UBAP2L: variants seen among roughly 807,000 people sequenced by gnomAD.
UBAP2L encodes ubiquitin associated protein 2 like.
A neutral mutation model predicts 130.6 loss-of-function variants in UBAP2L; 12 were observed. The observed-to-expected ratio is 0.09, with a 90% CI of 0.06 to 0.15. The LOEUF (loss-of-function observed/expected upper bound fraction) is 0.15, where lower values mean the gene tolerates loss of function less well. Among genes scored for constraint, UBAP2L ranks in the 10% least tolerant of loss-of-function variants. UBAP2L has a pLI of 1.00. For missense variants in UBAP2L, 965 were observed against 1,332.5 expected, an observed-to-expected ratio of 0.72 and a Z score of 4.29; for synonymous variants, 503 against 524.7, an observed-to-expected ratio of 0.96 and a Z score of 0.57.
intron 14 of UBAP2L, among the ~76,000 whole-genome samples, chr1:154,253,454 G>A (rs182119047): frequency 2.1e-5 from 3 of 145,224 alleles, no homozygotes; most frequent in Admixed American, 7.0e-5. Context: ...GCTTGATCTC[G>A]GCTCACTGCA....
chr1:154,226,397 T>A (rs889190479), intron 2 of UBAP2L, among the ~76,000 whole-genome samples: 12 of 152,266 alleles, frequency 7.9e-5, no homozygotes, highest in Non-Finnish European at 1.3e-4. Flanking sequence ...TTAGTTGGTA[T>A]GTAATGTGAA....
chr1:154,268,919 C>G lies in UBAP2L; in HGVS notation c.3133C>G (p.Gln1045Glu). 1 of 1,613,792 alleles carries G rather than the reference C, an allele frequency of 6.2e-7. No homozygotes were observed. Among genetic ancestry groups the G allele is most frequent in the Non-Finnish European group, 8.5e-7 (1 of 1,179,924 alleles). ...GACCCCCCATCAGCAGCCGCATTCT[C>G]AGATCCTTCACCATCACCTGCAGCA... is the stretch of plus-strand genomic sequence containing the variant. ...ILTPHQQPHS[Q>E]ILHHHLQQDG... Residue 1045 changes from glutamine to glutamate, a missense_variant, in exon 26 of 27, where the codon CAG (glutamine) becomes GAG (glutamate). This residue lies in a region of UBAP2L where 194 missense variants were observed against 334.0 expected (regional missense o/e 0.58). Coordinates refer to ENST00000428931, the MANE Select transcript of UBAP2L (RefSeq NM_014847.4).
Position 154,270,505 on chromosome 1 carries a change from T to C in UBAP2L, c.*210T>C. 6.9e-7 allele frequency: 1 copy of C among 1,453,404 alleles called. No individual in the cohort carries two copies. Among genetic ancestry groups the C allele is most frequent in the Non-Finnish European group, 9.0e-7 (1 of 1,108,040 alleles). 90.0% of individuals were successfully genotyped at this position (1,453,404 alleles called of 1,614,324 possible). On this transcript the variant is annotated 3_prime_UTR_variant, in exon 27 of 27. Transcript: ENST00000428931. The stretch of plus-strand genomic sequence containing the variant: ...TTATAGGATTTGTATTTTCTCCTTT[T>C]TTTTCCCCCTTCCATTCCTTCTCCC...
At chr1:154,231,767 C>T (rs1032917145) in intron 4 of UBAP2L, among the ~76,000 whole-genome samples, 4 of 152,012 alleles carry the variant, frequency 2.6e-5, no homozygotes, top group Admixed American at 1.3e-4. Flanking sequence ...GCTAATATTC[C>T]GTTGTACATA....
intron 21 of UBAP2L, 58 bp downstream of exon 21, chr1:154,259,088 G>A (rs1680621501): frequency 6.9e-7 from 1 of 1,456,470 alleles, no homozygotes; most frequent in Non-Finnish European, 9.6e-7. Flanking sequence ...AGTGTTGGGA[G>A]AATTATCTCC....
At position 154,251,145 on chromosome 1, in the gene UBAP2L, C is replaced by A; in HGVS notation, c.1318C>A (p.Pro440Thr). The A allele has an allele frequency of 1.2e-6, 2 of 1,614,172 alleles. No individual in the cohort carries two copies. The highest frequency in any genetic ancestry group is 2.2e-5 in the East Asian group (1 of 44,870). ...MMEVFLQEKS[P>T]AVATSTAAPP... is the part of the protein sequence containing the mutation. ...GGAGGTGTTCCTTCAGGAGAAGTCA[C>A]CTGCAGTGGCTACCTCCACAGCTGC... is the stretch of plus-strand genomic sequence containing the variant. The change falls in exon 13 of 27, where the codon CCT becomes ACT. Residue 440 changes from proline to threonine, a missense_variant. By Grantham distance (38) the Pro-to-Thr change is conservative. This residue lies in a region of UBAP2L where 74 missense variants were observed against 97.1 expected (regional missense o/e 0.76). Coordinates refer to ENST00000428931, the MANE Select transcript of UBAP2L (RefSeq NM_014847.4).
intron 20 of UBAP2L, 66 bp from the exon 21 acceptor site, chr1:154,258,911 C>A: frequency 7.3e-7 from 1 of 1,368,136 alleles, no homozygotes; most frequent in South Asian, 1.2e-5. Context: ...TAGCTTGTCT[C>A]TTGGCTCCTT....
At chr1:154,231,333 C>T (rs1238983451) in intron 4 of UBAP2L, among the ~76,000 whole-genome samples, 3 of 147,576 alleles carry the variant, frequency 2.0e-5, no homozygotes, top group Non-Finnish European at 4.5e-5. Flanking sequence ...TGGAGTCTTG[C>T]TCTGTTGCCC....
At chr1:154,241,933 T>G (rs1673737265) in intron 9 of UBAP2L, 1 of 208,058 alleles carries the variant, frequency 4.8e-6, no homozygotes, top group Non-Finnish European at 8.4e-6. Flanking sequence ...TGCATTTAAG[T>G]ATTTGCTATA....
chr1:154,270,501 C>A lies in UBAP2L; in HGVS notation c.*206C>A. Reference sequence around the variant, plus strand: ...TGTATTATAGGATTTGTATTTTCTCCTTTTTTTTCCCCCTTCCATTCCTTC... The same window carrying A: ...TGTATTATAGGATTTGTATTTTCTCATTTTTTTTCCCCCTTCCATTCCTTC... On this transcript the variant is annotated 3_prime_UTR_variant, in exon 27 of 27. Coordinates refer to ENST00000428931, the MANE Select transcript of UBAP2L (RefSeq NM_014847.4). The A allele has an allele frequency of 6.9e-7, 1 of 1,453,118 alleles. No homozygotes were observed. The highest frequency in any genetic ancestry group is 2.6e-5 in the Admixed American group (1 of 38,708). The allele number at this position is 1,453,118 out of a possible 1,614,324, so 90.0% of individuals were successfully genotyped here.
chr1:154,255,003 C>T, intron 16 of UBAP2L, 113 bp downstream of exon 16: 1 of 1,432,372 alleles, frequency 7.0e-7, no homozygotes, highest in Non-Finnish European at 9.5e-7. Context: ...GTGTAATTCT[C>T]AGCATTAAAG....
upstream of UBAP2L, chr1:154,220,329 G>A (rs368781363): frequency 3.7e-6 from 6 of 1,614,022 alleles, no homozygotes; most frequent in South Asian, 2.2e-5. Flanking sequence ...ATGGGGTGGG[G>A]TAATCTCCTC....
chr1:154,249,928 G>A (rs1164181816), intron 12 of UBAP2L, among the ~76,000 whole-genome samples: 1 of 148,248 alleles, frequency 6.7e-6, no homozygotes, highest in African/African-American at 2.6e-5. Flanking sequence ...TGTTGATTGG[G>A]GTTTTAATTA....
chr1:154,249,263 G>A lies in UBAP2L; in HGVS notation c.1039G>A (p.Gly347Ser). 6.2e-7 allele frequency: 1 copy of A among 1,614,112 alleles called. No homozygotes were observed. The highest frequency in any genetic ancestry group is 8.5e-7 in the Non-Finnish European group (1 of 1,180,022). The change falls in exon 12 of 27, where the codon GGT (glycine) becomes AGT (serine). Residue 347 changes from glycine to serine, a missense_variant. Around this residue, in one of 9 missense-constraint regions of UBAP2L, gnomAD observed 99 missense variants for 106.4 expected, o/e 0.93. Coordinates refer to ENST00000428931, the MANE Select transcript of UBAP2L (RefSeq NM_014847.4). ...SMVSMLGKGF[G>S]DVGEAKGGST... ...GGTGAGCATGTTAGGGAAAGGATTT[G>A]GTGATGTCGGTGAAGCTAAAGGCGG...
At chr1:154,244,874 G>C (rs575951374) in intron 10 of UBAP2L, among the ~76,000 whole-genome samples, 1 of 102,690 alleles carries the variant, frequency 9.7e-6, no homozygotes. Flanking sequence ...TAGCCACCTC[G>C]CCTACACCCC....
chr1:154,267,151 GTTTTT>G (rs36051247), intron 25 of UBAP2L, among the ~76,000 whole-genome samples: 12 of 108,618 alleles, frequency 1.1e-4, no homozygotes, highest in Admixed American at 9.7e-4. Context: ...TATCCAACGA[GTTTTT>G]TTTTTTTTTT....
At position 154,262,030 on chromosome 1, in the gene UBAP2L, A is replaced by T. The variant is rs528224619; in HGVS notation, c.2902+333A>T. 4.3e-4 allele frequency among the ~76,000 whole-genome samples: 66 copies of T among 152,292 alleles called. No homozygotes were observed. The South Asian group carries it at 0.014, about 32-fold the overall frequency. ...GTCAGTGGAGGCAAGTGTTAATAGTATGTATGGCACTGATAGTACAAAAGG... is the reference window on the plus strand; with the variant it reads ...GTCAGTGGAGGCAAGTGTTAATAGTTTGTATGGCACTGATAGTACAAAAGG... On this transcript the variant is annotated intron_variant, in intron 24 of 26. Coordinates refer to ENST00000428931, the MANE Select transcript of UBAP2L (RefSeq NM_014847.4).
chr1:154,220,776 C>T, upstream of UBAP2L: 1 of 219,102 alleles, frequency 4.6e-6, no homozygotes, highest in South Asian at 7.2e-5. Flanking sequence ...AGAGGTGTCT[C>T]GTGGCGAGGC....
chr1:154,244,235 G>T (rs1420282048), intron 10 of UBAP2L, among the ~76,000 whole-genome samples: 1 of 152,180 alleles, frequency 6.6e-6, no homozygotes, highest in African/African-American at 2.4e-5. Flanking sequence ...CAAGTTGAAA[G>T]CTCAGTTCTA....
Sources: allele counts gnomAD v4.1 joint callset (sites outside exome capture counted in the v4.1 genomes callset), GRCh38; gene constraint gnomAD v4.1.1; regional missense constraint gnomAD v4.1.1; transcripts MANE v1.5; gene names NCBI Gene and HGNC (gene_info 2026-07-23, HGNC 2026-07-21).